DNER: variants seen among roughly 807,000 people sequenced by gnomAD.
DNER encodes delta/notch like EGF repeat containing, also known as delta and Notch-like epidermal growth factor-related receptor.
DNER carries 33 observed loss-of-function variants against 78.2 expected under a neutral mutation model. The ratio of observed to expected loss-of-function variants is 0.42; its 90% CI spans 0.32 to 0.56. The LOEUF (loss-of-function observed/expected upper bound fraction) is 0.56, where lower values mean the gene tolerates loss of function less well. Ranked by LOEUF, DNER falls within the 20% of genes least tolerant of loss-of-function variation. The pLI is 0.11. For missense variants in DNER, 918 were observed against 975.3 expected, an observed-to-expected ratio of 0.94 and a Z score of 0.78; for synonymous variants, 417 against 384.8, an observed-to-expected ratio of 1.08 and a Z score of -0.98.
At chr2:229,457,973 T>TA (rs1694612015) in intron 7 of DNER, among the ~76,000 whole-genome samples, 1 of 150,762 alleles carries the variant, frequency 6.6e-6, no homozygotes, top group African/African-American at 2.4e-5. Flanking sequence ...CTGTCTCTAC[T>TA]AAAAATACAA....
At chr2:229,563,494 CCATCATCATCATCAA>C (rs1559167853) in intron 4 of DNER, among the ~76,000 whole-genome samples, 1 of 137,844 alleles carries the variant, frequency 7.3e-6, no homozygotes, top group Non-Finnish European at 1.5e-5. Flanking sequence ...CATCCTCACC[CCATCATCATCATCAA>C]CATCATCATC....
intron 1 of DNER, among the ~76,000 whole-genome samples, chr2:229,631,382 GC>G (rs898906530): frequency 2.0e-5 from 3 of 152,164 alleles, no homozygotes; most frequent in Non-Finnish European, 4.4e-5. Flanking sequence ...TTCTTTGAAA[GC>G]CATCATAGAG....
intron 1 of DNER, among the ~76,000 whole-genome samples, chr2:229,693,874 A>T (rs966255407): frequency 2.6e-5 from 4 of 152,232 alleles, no homozygotes; most frequent in African/African-American, 9.6e-5. Context: ...TTGCATAAGT[A>T]ACAAAGAGCC....
At chr2:229,564,423 C>CCAT (rs1163621665) in intron 4 of DNER, among the ~76,000 whole-genome samples, 1 of 140,432 alleles carries the variant, frequency 7.1e-6, no homozygotes, top group Non-Finnish European at 1.5e-5. Flanking sequence ...CACACCATCA[C>CCAT]CATCATCATC....
At chr2:229,552,637 C>A (rs1442541010) in intron 4 of DNER, among the ~76,000 whole-genome samples, 2 of 152,184 alleles carry the variant, frequency 1.3e-5, no homozygotes, top group East Asian at 3.9e-4. Context: ...GTTTGCTTCC[C>A]TTCCACTATG....
chr2:229,421,407 G>A (rs190598440), intron 8 of DNER, among the ~76,000 whole-genome samples: 1 of 151,146 alleles, frequency 6.6e-6, no homozygotes, highest in East Asian at 1.9e-4. Context: ...TTGTTAAGAA[G>A]GTACATTTAA....
At chr2:229,555,038 A>T (rs1174503330) in intron 4 of DNER, among the ~76,000 whole-genome samples, 2 of 151,694 alleles carry the variant, frequency 1.3e-5, no homozygotes, top group African/African-American at 4.9e-5. Context: ...TTCATGGGCA[A>T]CAAGGTCATG....
intron 7 of DNER, among the ~76,000 whole-genome samples, chr2:229,466,787 T>G (rs1214453680): frequency 1.3e-5 from 2 of 152,166 alleles, no homozygotes; most frequent in East Asian, 1.9e-4. Flanking sequence ...ATATAGAACA[T>G]GTAGAGCACA....
intron 6 of DNER, among the ~76,000 whole-genome samples, chr2:229,497,171 T>C (rs1166874635): frequency 6.6e-6 from 1 of 152,000 alleles, no homozygotes; most frequent in Non-Finnish European, 1.5e-5. Context: ...TAGAAATATA[T>C]GAAAATTAAG....
chr2:229,406,190 G>A (rs1693376950), intron 10 of DNER, among the ~76,000 whole-genome samples: 1 of 152,162 alleles, frequency 6.6e-6, no homozygotes. Flanking sequence ...CTTGGGAGGT[G>A]GCCACAGTGG....
At chr2:229,469,941 A>T (rs13020519) in intron 7 of DNER, among the ~76,000 whole-genome samples, 54,696 of 151,954 alleles carry the variant, frequency 0.36, 11,590 homozygotes, top group African/African-American at 0.59. Flanking sequence ...TGAGACTCCA[A>T]CTCAAGTAAT....
intron 1 of DNER, among the ~76,000 whole-genome samples, chr2:229,673,280 G>A (rs900755347): frequency 1.3e-5 from 2 of 151,886 alleles, no homozygotes; most frequent in African/African-American, 4.8e-5. Flanking sequence ...GGAAGAGCGT[G>A]GAAACTGCTG....
chr2:229,670,996 A>AT (rs1213145360), intron 1 of DNER, among the ~76,000 whole-genome samples: 2 of 152,090 alleles, frequency 1.3e-5, no homozygotes, highest in African/African-American at 2.4e-5. Context: ...GGGAGGGGGA[A>AT]TTTTTTTCTG....
At chr2:229,678,094 T>C (rs17582010) in intron 1 of DNER, among the ~76,000 whole-genome samples, 64,256 of 152,040 alleles carry the variant, frequency 0.42, 15,390 homozygotes, top group Non-Finnish European at 0.56. Flanking sequence ...CAAAATCACA[T>C]ATGTCAAAAC....
chr2:229,712,319 G>A (rs1006059806), intron 1 of DNER, among the ~76,000 whole-genome samples: 1 of 152,322 alleles, frequency 6.6e-6, no homozygotes, highest in African/African-American at 2.4e-5. Flanking sequence ...ATGTTTCGCT[G>A]TTAGTCATCT....
chr2:229,431,816 C>A (rs1308343699), intron 8 of DNER, among the ~76,000 whole-genome samples: 3 of 151,870 alleles, frequency 2.0e-5, no homozygotes, highest in African/African-American at 2.4e-5. Context: ...AAAAAGATGT[C>A]TTTTACAAAA....
chr2:229,517,896 G>A (rs962227241), intron 5 of DNER, among the ~76,000 whole-genome samples: 1 of 152,200 alleles, frequency 6.6e-6, no homozygotes, highest in Non-Finnish European at 1.5e-5. Context: ...AGGCTTTATA[G>A]GCTACTGTAA....
chr2:229,488,678 T>C (rs1055813770), intron 6 of DNER, among the ~76,000 whole-genome samples: 2 of 152,220 alleles, frequency 1.3e-5, no homozygotes, highest in African/African-American at 4.8e-5. Context: ...ATGAAGTTCA[T>C]TTGAAAAGAC....
intron 1 of DNER, among the ~76,000 whole-genome samples, chr2:229,683,418 A>G (rs1327862148): frequency 1.3e-5 from 2 of 152,248 alleles, no homozygotes; most frequent in Admixed American, 6.5e-5. Context: ...CATGAAGTCC[A>G]TAAATTGTGA....
Sources: gnomAD v4.1 joint callset for allele counts (sites outside exome capture counted in the v4.1 genomes callset) on GRCh38, gnomAD v4.1.1 for gene constraint, MANE v1.5 for transcripts, NCBI Gene and HGNC (gene_info 2026-07-23, HGNC 2026-07-21) for gene names.